The following SIAH2 variants were observed in gnomAD, a reference collection of about 807,000 sequenced individuals.
The protein encoded by SIAH2 is E3 ubiquitin-protein ligase SIAH2.
Under a neutral mutation model 20.4 loss-of-function variants are expected in SIAH2, and 4 were observed. That is an observed-to-expected ratio of 0.20 (90% confidence interval 0.10 to 0.45). SIAH2 has a LOEUF of 0.45. SIAH2 is among the 20% of genes least tolerant of loss of function. The pLI is 0.99. For synonymous variants in SIAH2, 171 were observed against 192.5 expected, an observed-to-expected ratio of 0.89 and a Z score of 0.93; for missense variants, 259 against 440.3, an observed-to-expected ratio of 0.59 and a Z score of 3.69.
chr3:150,753,041 C>T (rs550820562), intron 1 of SIAH2, among the ~76,000 whole-genome samples: 1 of 152,240 alleles, frequency 6.6e-6, no homozygotes, highest in African/African-American at 2.4e-5. Flanking sequence ...ACACAGCCTC[C>T]TTATGAGCTT....
chr3:150,758,583 T>C (rs1382712098), intron 1 of SIAH2, among the ~76,000 whole-genome samples: 1 of 150,748 alleles, frequency 6.6e-6, no homozygotes, highest in African/African-American at 2.4e-5. Context: ...TTTTTTTTTT[T>C]TTTTTGACAC....
intron 1 of SIAH2, among the ~76,000 whole-genome samples, chr3:150,749,843 G>A (rs141099130): frequency 3.2e-4 from 49 of 152,150 alleles, no homozygotes; most frequent in Non-Finnish European, 5.0e-4. Context: ...AAAGGTTTGC[G>A]GGTGCCTGAC....
At chr3:150,758,736 ATTT>A (rs1249931879) in intron 1 of SIAH2, among the ~76,000 whole-genome samples, 4 of 108,848 alleles carry the variant, frequency 3.7e-5, no homozygotes, top group Non-Finnish European at 1.9e-5. Flanking sequence ...ACACCTGGCT[ATTT>A]TTTTTTTTTT....
intron 1 of SIAH2, among the ~76,000 whole-genome samples, chr3:150,748,132 T>G (rs1714269172): frequency 6.6e-6 from 1 of 152,162 alleles, no homozygotes; most frequent in African/African-American, 2.4e-5. Flanking sequence ...TGATGTGTAA[T>G]CCGGACCCTC....
intron 1 of SIAH2, among the ~76,000 whole-genome samples, chr3:150,753,455 G>A (rs1714414016): frequency 6.6e-6 from 1 of 152,192 alleles, no homozygotes; most frequent in Non-Finnish European, 1.5e-5. Context: ...ACATTCAACT[G>A]TAAACCATTC....
intron 1 of SIAH2, among the ~76,000 whole-genome samples, chr3:150,754,861 A>G (rs1250844670): frequency 6.6e-6 from 1 of 152,230 alleles, no homozygotes; most frequent in East Asian, 1.9e-4. Flanking sequence ...TGAAAAACCA[A>G]TACAAGGGCC....
At chr3:150,758,507 A>G (rs1016044116) in intron 1 of SIAH2, among the ~76,000 whole-genome samples, 18 of 151,812 alleles carry the variant, frequency 1.2e-4, no homozygotes, top group Non-Finnish European at 2.5e-4. Flanking sequence ...GCATGGAACA[A>G]GCCACAGAAT....
Position 150,741,702 on chromosome 3 carries a change from A to G in SIAH2, c.*439T>C, listed in dbSNP as rs190215360. 1.6e-3 allele frequency: 256 copies of G among 156,408 alleles called. 1 individual carries two copies. Among genetic ancestry groups the G allele is most frequent in the Non-Finnish European group, 2.1e-3 (150 of 70,662 alleles). The allele number at this position is 156,408 out of a possible 1,614,324, so 9.7% of individuals were successfully genotyped here. ...TAGCCAGCCATCCAATTTCAGAAAC[A>G]CTGTTTAAAATGCATTAAAACAATT... On this transcript the variant is annotated 3_prime_UTR_variant, in exon 2 of 2. Coordinates refer to ENST00000312960, the MANE Select transcript of SIAH2 (RefSeq NM_005067.7).
Position 150,752,052 on chromosome 3 carries a change from G to A in SIAH2, c.418-9354C>T, listed in dbSNP as rs566859237. On this transcript the variant is annotated intron_variant, in intron 1 of 1. Transcript: ENST00000312960. Reference sequence around the variant, plus strand: ...TTAGCAGGTAACCACACATTGTCATGGAGAACCAGTTTTGTGAGGTCCTTT... The same window carrying A: ...TTAGCAGGTAACCACACATTGTCATAGAGAACCAGTTTTGTGAGGTCCTTT... Among the ~76,000 whole-genome samples, 201 of 152,308 alleles carry A rather than the reference G, an allele frequency of 1.3e-3. 1 individual carries two copies. Among genetic ancestry groups the A allele is most frequent in the Non-Finnish European group, 2.1e-3 (143 of 68,020 alleles).
In SIAH2 at chr3:150,742,227, G is replaced by C; in HGVS notation, c.889C>G (p.Leu297Val). The stretch of plus-strand genomic sequence containing the variant: ...TGTGCTATGGCTGTGTCGAAAACAA[G>C]GCAGTCGCTGTTCATGATGGCCGCA... ...VAAAIMNSDC[L>V]VFDTAIAHLF... Residue 297 changes from leucine (L) to valine (V), a missense_variant, in exon 2 of 2, where the codon CTT becomes GTT. Leu to Val is a conservative substitution (Grantham distance 32). Coordinates refer to ENST00000312960, the MANE Select transcript of SIAH2 (RefSeq NM_005067.7). This position sits in a 1 kb window ranked among gnomAD's most constrained non-coding sequence, Gnocchi z 4.8. 1 of 1,614,206 alleles carries C rather than the reference G, an allele frequency of 6.2e-7. No homozygotes were observed. The highest frequency in any genetic ancestry group is 8.5e-7 in the Non-Finnish European group (1 of 1,180,042).
intron 1 of SIAH2, among the ~76,000 whole-genome samples, chr3:150,744,625 A>C (rs367925570): frequency 9.2e-5 from 14 of 152,250 alleles, no homozygotes; most frequent in Admixed American, 2.0e-4. Flanking sequence ...AGTTTAAAAA[A>C]ACACACACAC....
chr3:150,762,692 G>C lies in SIAH2; in HGVS notation c.158C>G (p.Ala53Gly). The C allele has an allele frequency of 7.6e-7, 1 of 1,316,352 alleles. No homozygotes were observed. The highest frequency in any genetic ancestry group is 9.7e-7 in the Non-Finnish European group (1 of 1,030,468). 81.5% of individuals were successfully genotyped at this position (1,316,352 alleles called of 1,614,324 possible). A position where few individuals can be genotyped will look rare whatever the true frequency, so the allele number is the denominator to read the frequency against. Residue 53 changes from alanine to glycine, a missense_variant, in exon 1 of 2, where the codon GCG (alanine) becomes GGG (glycine). Ala to Gly is a moderately conservative substitution (Grantham distance 60). Transcript: ENST00000312960. This position sits in a 1 kb window ranked among gnomAD's most constrained non-coding sequence, Gnocchi z 6.6. ...PGSSAVPAAA[A>G]VISGPGGGGG... Reference sequence around the variant, plus strand: ...GCCGCCGCCGGGGCCCGAGATCACCGCCGCCGCGGCGGGCACCGCGGACGA... The same window carrying C: ...GCCGCCGCCGGGGCCCGAGATCACCCCCGCCGCGGCGGGCACCGCGGACGA...
Position 150,742,175 on chromosome 3 carries a change from C to T in SIAH2, c.941G>A (p.Gly314Glu). Residue 314 changes from glycine (G) to glutamate (E), a missense_variant, in exon 2 of 2, where the codon GGA (glycine) becomes GAA (glutamate). By Grantham distance (98) the Gly-to-Glu change is moderately conservative. This residue lies in a region of SIAH2 where 160 missense variants were observed against 327.6 expected (regional missense o/e 0.49). Transcript: ENST00000312960. The surrounding 1 kb of genome is among the most constrained non-coding windows in gnomAD (Gnocchi z 4.8). ...AHLFADNGNL[G>E]INVTISTCCP ...ACATGTAGAAATAGTAACATTGATT[C>T]CAAGGTTCCCATTATCTGCAAAAAG... The T allele has an allele frequency of 6.2e-7, 1 of 1,613,518 alleles. No individual in the cohort carries two copies. The highest frequency in any genetic ancestry group is 8.5e-7 in the Non-Finnish European group (1 of 1,179,570).
In SIAH2 at chr3:150,742,256, A is replaced by G; in HGVS notation, c.860T>C (p.Val287Ala). ...EATPRSIHDG[V>A]AAAIMNSDCL... ...GTCGCTGTTCATGATGGCCGCAGCCACACCGTCATGAATCGAACGGGGCGT... is the reference window on the plus strand; with the variant it reads ...GTCGCTGTTCATGATGGCCGCAGCCGCACCGTCATGAATCGAACGGGGCGT... Residue 287 changes from valine (V) to alanine (A), a missense_variant, in exon 2 of 2, where the codon GTG becomes GCG. Transcript: ENST00000312960. This position sits in a 1 kb window ranked among gnomAD's most constrained non-coding sequence, Gnocchi z 4.8. 1.2e-6 allele frequency: 2 copies of G among 1,614,214 alleles called. No homozygotes were observed. The highest frequency in any genetic ancestry group is 1.7e-6 in the Non-Finnish European group (2 of 1,180,042).
chr3:150,753,733 G>T (rs1019662298), intron 1 of SIAH2, among the ~76,000 whole-genome samples: 1 of 152,108 alleles, frequency 6.6e-6, no homozygotes, highest in Admixed American at 6.5e-5. Context: ...GGTTGAGGCT[G>T]CAGTGAGCTG....
intron 1 of SIAH2, among the ~76,000 whole-genome samples, chr3:150,752,253 A>G (rs2108121492): frequency 6.6e-6 from 1 of 152,356 alleles, no homozygotes; most frequent in Non-Finnish European, 1.5e-5. Context: ...TCCCCTCAGC[A>G]GTCTTTATTT....
At chr3:150,756,172 T>C (rs1714481738) in intron 1 of SIAH2, among the ~76,000 whole-genome samples, 1 of 152,218 alleles carries the variant, frequency 6.6e-6, no homozygotes, top group Non-Finnish European at 1.5e-5. Context: ...CCCCGAATCT[T>C]AAAATAAAGA....
chr3:150,750,238 G>A (rs1714327794), intron 1 of SIAH2, among the ~76,000 whole-genome samples: 1 of 152,152 alleles, frequency 6.6e-6, no homozygotes. Context: ...GCCCCACAAA[G>A]ACCACTGAAT....
At chr3:150,758,811 T>C (rs1406876711) in intron 1 of SIAH2, among the ~76,000 whole-genome samples, 1 of 151,014 alleles carries the variant, frequency 6.6e-6, no homozygotes, top group South Asian at 2.1e-4. Context: ...GACGTGATCT[T>C]GGCTCACTGC....
Sources: allele counts gnomAD v4.1 joint callset (sites outside exome capture counted in the v4.1 genomes callset), GRCh38; gene constraint gnomAD v4.1.1; regional missense constraint gnomAD v4.1.1; non-coding constraint Gnocchi (gnomAD v3.1); transcripts MANE v1.5; gene names NCBI Gene and HGNC (gene_info 2026-07-23, HGNC 2026-07-21).